REN: variants seen among roughly 807,000 people sequenced by gnomAD.
The protein encoded by REN is angiotensin-forming enzyme.
REN carries 42 observed loss-of-function variants against 48.6 expected under a neutral mutation model. The observed-to-expected ratio is 0.86, with a 90% CI of 0.68 to 1.12. The LOEUF is 1.12. REN is among the 50% of genes most tolerant of loss of function. REN has a pLI of 0.00. For missense variants in REN, 443 were observed against 527.3 expected (o/e 0.84, Z 1.57); for synonymous variants, 196 against 204.6 (o/e 0.96, Z 0.36).
rs759803237 is a variant in REN at position 204,155,185 on chromosome 1, G to A, written c.1060-8C>T. ...TTTACTACTGTAGGATTCCTGGCAG[G>A]AAGGGGGAGAGTTTCTCCATACCCA... On this transcript the variant is annotated splice_polypyrimidine_tract_variant and splice_region_variant and intron_variant, in intron 9 of 9. Coordinates refer to ENST00000272190, the MANE Select transcript of REN (RefSeq NM_000537.4). 6 of 1,613,924 alleles carry A rather than the reference G, an allele frequency of 3.7e-6. No homozygotes were observed. Among genetic ancestry groups the A allele is most frequent in the Non-Finnish European group, 5.1e-6 (6 of 1,179,922 alleles).
In REN at chr1:204,166,182, GAGTTACCA is replaced by G. The variant is rs1308347152; in HGVS notation, c.98+6_98+13del. On this transcript the variant is annotated splice_donor_region_variant and intron_variant, in intron 1 of 9. Coordinates refer to ENST00000272190, the MANE Select transcript of REN (RefSeq NM_000537.4). ...CACCCCTCCCACCCCTTCTCTGCCT[GAGTTACCA>G]ATTACCGTTTAAAGGTGGTGGTGTC... The G allele has an allele frequency of 6.2e-7, 1 of 1,610,638 alleles. No homozygotes were observed. The highest frequency in any genetic ancestry group is 8.5e-7 in the Non-Finnish European group (1 of 1,176,982).
rs187071573 is a variant in REN at position 204,156,893 on chromosome 1, A to G, written c.699-97T>C. The stretch of plus-strand genomic sequence containing the variant: ...GTTGCACAAGGGTGCAGGGGAGGAC[A>G]GAGGGCTCTAGAGCAGAGGAATGTG... On this transcript the variant is annotated intron_variant, in intron 6 of 9. Coordinates refer to ENST00000272190, the MANE Select transcript of REN (RefSeq NM_000537.4). The surrounding 1 kb of genome is among the most constrained non-coding windows in gnomAD (Gnocchi z 4.2). The G allele has an allele frequency of 3.0e-4, 433 of 1,464,038 alleles. 5 individuals carry two copies. In the East Asian group the frequency reaches 7.6e-3, roughly 26 times the overall value. 90.7% of individuals were successfully genotyped at this position (1,464,038 alleles called of 1,614,324 possible).
intron 3 of REN, among the ~76,000 whole-genome samples, 155 bp from the exon 4 acceptor site, chr1:204,160,833 G>A (rs973646816): frequency 1.2e-4 from 18 of 152,176 alleles, no homozygotes; most frequent in Non-Finnish European, 2.1e-4. Context: ...ATCAATCAAG[G>A]ACTGGGTTTC....
At chr1:204,164,473 C>T (rs954223989) in intron 1 of REN, among the ~76,000 whole-genome samples, 8 of 151,636 alleles carry the variant, frequency 5.3e-5, no homozygotes, top group Non-Finnish European at 1.5e-5. Context: ...TCCCTACCTT[C>T]AGGACTGCTG....
Position 204,155,866 on chromosome 1 carries a change from A to G in REN, c.1013T>C (p.Leu338Pro). 2 of 1,614,064 alleles carry G rather than the reference A, an allele frequency of 1.2e-6. No homozygotes were observed. Among genetic ancestry groups the G allele is most frequent in the Non-Finnish European group, 1.7e-6 (2 of 1,179,988 alleles). The change falls in exon 9 of 10, where the codon CTG (leucine) becomes CCG (proline). Residue 338 changes from leucine (L) to proline (P), a missense_variant. Physicochemically the swap from Leu to Pro is moderately conservative, Grantham distance 98. Coordinates refer to ENST00000272190, the MANE Select transcript of REN (RefSeq NM_000537.4). ...GPTLPDISFHLGGKEYTLTSA... is the reference protein window; with the variant it reads ...GPTLPDISFHPGGKEYTLTSA... Reference sequence around the variant, plus strand: ...GGTGAGCGTGTATTCTTTGCCTCCCAGGTGGAAAGAGATGTCGGGGAGTGT... The same window carrying G: ...GGTGAGCGTGTATTCTTTGCCTCCCGGGTGGAAAGAGATGTCGGGGAGTGT...
At chr1:204,163,037 G>A (rs1305053243) in intron 1 of REN, among the ~76,000 whole-genome samples, 2 of 152,198 alleles carry the variant, frequency 1.3e-5, no homozygotes, top group African/African-American at 4.8e-5. Flanking sequence ...CAGAGCATGT[G>A]TCTGGCCCTA....
In REN at chr1:204,156,157, C is replaced by T. The variant is rs1381216719; in HGVS notation, c.960+21G>A. ...GTGGCGCTCCCCCCACCCACAGCAC[C>T]TTCCCTCTTTGGCTTCTTACATCAA... On this transcript the variant is annotated intron_variant, in intron 8 of 9. Transcript: ENST00000272190. This position sits in a 1 kb window ranked among gnomAD's most constrained non-coding sequence, Gnocchi z 4.2. The T allele has an allele frequency of 6.2e-7, 1 of 1,614,196 alleles. No homozygotes were observed. Among genetic ancestry groups the T allele is most frequent in the Non-Finnish European group, 8.5e-7 (1 of 1,180,054 alleles).
In REN at chr1:204,156,331, C is replaced by CACAGACAG; in HGVS notation, c.819-13_819-12insCTGTCTGT. ...ACCCCACAGACACCCTGGGGGAGGCCACAGTCAGACAGACAGACAGACAGA... is the reference window on the plus strand; with the variant it reads ...ACCCCACAGACACCCTGGGGGAGGCCACAGACAGACAGTCAGACAGACAGACAGACAGA... On this transcript the variant is annotated splice_polypyrimidine_tract_variant and intron_variant, in intron 7 of 9. Coordinates refer to ENST00000272190, the MANE Select transcript of REN (RefSeq NM_000537.4). The surrounding 1 kb of genome is among the most constrained non-coding windows in gnomAD (Gnocchi z 4.2). 6.7e-7 allele frequency: 1 copy of CACAGACAG among 1,495,336 alleles called. No individual in the cohort carries two copies. 92.6% of individuals were successfully genotyped at this position (1,495,336 alleles called of 1,614,324 possible).
rs1175210784 is a variant in REN, at chr1:204,156,024, A to G, written c.961-106T>C. On this transcript the variant is annotated intron_variant, in intron 8 of 9. Transcript: ENST00000272190. The surrounding 1 kb of genome is among the most constrained non-coding windows in gnomAD (Gnocchi z 4.2). ...CTCTCTGCTGGAGAGGGCTGGGGAC[A>G]GTGCCCCGCCCCATGGGTGACCAGC... is the stretch of plus-strand genomic sequence containing the variant. 2 of 1,426,412 alleles carry G rather than the reference A, an allele frequency of 1.4e-6. No homozygotes were observed. The highest frequency in any genetic ancestry group is 2.0e-6 in the Non-Finnish European group (2 of 1,013,130). 88.4% of individuals were successfully genotyped at this position (1,426,412 alleles called of 1,614,324 possible).
intron 5 of REN, among the ~76,000 whole-genome samples, chr1:204,158,099 A>ACCCCCCCCCCCCC (rs60405376): frequency 7.0e-6 from 1 of 142,970 alleles, no homozygotes; most frequent in Non-Finnish European, 1.5e-5. Context: ...TCTGGATCTC[A>ACCCCCCCCCCCCC]CCCCCCACGC....
At chr1:204,159,653 T>G in intron 4 of REN, 58 bp from the exon 5 acceptor site, 3 of 1,510,062 alleles carry the variant, frequency 2.0e-6, no homozygotes, top group Non-Finnish European at 2.8e-6. Flanking sequence ...GGTTGGAGTC[T>G]GGTCTGGGCT....
Position 204,161,323 on chromosome 1 carries a change from G to A in REN, c.342C>T (p.Ser114=). 6.2e-7 allele frequency: 1 copy of A among 1,608,784 alleles called. No homozygotes were observed. The highest frequency in any genetic ancestry group is 8.5e-7 in the Non-Finnish European group (1 of 1,177,724). ...CAGTGTAGAGACGGCTGCACTTGGAGGAGGGCACCCAAACATTGGACGAAC... is the reference window on the plus strand; with the variant it reads ...CAGTGTAGAGACGGCTGCACTTGGAAGAGGGCACCCAAACATTGGACGAAC... The part of the protein sequence containing the change: ...DTGSSNVWVP[S]SKCSRLYTAC... The change falls in exon 3 of 10, where the codon TCC becomes TCT. Residue 114 remains serine, a synonymous_variant. Coordinates refer to ENST00000272190, the MANE Select transcript of REN (RefSeq NM_000537.4).
chr1:204,164,673 T>C (rs534865651), intron 1 of REN, among the ~76,000 whole-genome samples: 1 of 148,488 alleles, frequency 6.7e-6, no homozygotes, highest in South Asian at 2.2e-4. Context: ...CAGGCTGAAG[T>C]GATGCTCCCA....
chr1:204,159,675 G>T, intron 4 of REN, 80 bp from the exon 5 acceptor site: 3 of 1,215,178 alleles, frequency 2.5e-6, no homozygotes, highest in East Asian at 2.3e-5. Context: ...CCACACTAGG[G>T]ATCCCAGGGG....
At chr1:204,159,643 G>A in intron 4 of REN, 48 bp from the exon 5 acceptor site, 1 of 1,566,610 alleles carries the variant, frequency 6.4e-7, no homozygotes, top group Non-Finnish European at 8.8e-7. Context: ...CCCACTCCTT[G>A]GTTGGAGTCT....
chr1:204,165,217 C>G (rs912932522), intron 1 of REN, among the ~76,000 whole-genome samples: 2 of 152,144 alleles, frequency 1.3e-5, no homozygotes, highest in Admixed American at 1.3e-4. Flanking sequence ...GTGATCTGCC[C>G]CCCTCGGCCT....
Position 204,156,035 on chromosome 1 carries a change from C to T in REN, c.961-117G>A. ...AGAGGGCTGGGGACAGTGCCCCGCC[C>T]CATGGGTGACCAGCCACATGTGTGG... On this transcript the variant is annotated intron_variant, in intron 8 of 9. Transcript: ENST00000272190. This position sits in a 1 kb window ranked among gnomAD's most constrained non-coding sequence, Gnocchi z 4.2. 1 of 1,454,752 alleles carries T rather than the reference C, an allele frequency of 6.9e-7. No homozygotes were observed. 90.1% of individuals were successfully genotyped at this position (1,454,752 alleles called of 1,614,324 possible). A position where few individuals can be genotyped will look rare whatever the true frequency, so the allele number is the denominator to read the frequency against.
At chr1:204,164,581 T>TTTTTTTTG in intron 1 of REN, among the ~76,000 whole-genome samples, 1 of 146,644 alleles carries the variant, frequency 6.8e-6, no homozygotes, top group Admixed American at 6.8e-5. Context: ...TTTTTTTTTT[T>TTTTTTTTG]TTTTTTTTAC....
Position 204,160,560 on chromosome 1 carries a change from G to A in REN, c.492C>T (p.Thr164=), listed in dbSNP as rs780253159. 41 of 1,609,778 alleles carry A rather than the reference G, an allele frequency of 2.5e-5. No homozygotes were observed. The East Asian group carries it at 5.8e-4, about 23-fold the overall frequency. The change falls in exon 4 of 10, where the codon ACC becomes ACT. Residue 164 remains threonine, a splice_region_variant and synonymous_variant. Coordinates refer to ENST00000272190, the MANE Select transcript of REN (RefSeq NM_000537.4). The part of the protein sequence containing the change: ...VSGFLSQDII[T]VGGITVTQMF... ...GATGACCTAGGGCGGCCCAACTTAC[G>A]GTGATGATGTCCTGGCTGAGAAAGC... is the stretch of plus-strand genomic sequence containing the variant.
Sources: allele counts gnomAD v4.1 joint callset (sites outside exome capture counted in the v4.1 genomes callset), GRCh38; gene constraint gnomAD v4.1.1; non-coding constraint Gnocchi (gnomAD v3.1); transcripts MANE v1.5; gene names NCBI Gene and HGNC (gene_info 2026-07-23, HGNC 2026-07-21).